BRINP3: variants seen among roughly 807,000 people sequenced by gnomAD.
The protein encoded by BRINP3 is BMP/retinoic acid inducible neural specific 3, also known as BMP/retinoic acid-inducible neural-specific protein 3.
A neutral mutation model predicts 71.0 loss-of-function variants in BRINP3; 19 were observed. The observed-to-expected ratio is 0.27, with a 90% CI of 0.19 to 0.39. The LOEUF is 0.39. BRINP3 is among the 10% of genes least tolerant of loss of function. BRINP3 has a pLI of 1.00. For synonymous variants in BRINP3, 380 were observed against 337.7 expected, an observed-to-expected ratio of 1.13 and a Z score of -1.37; for missense variants, 959 against 940.8, an observed-to-expected ratio of 1.02 and a Z score of -0.25.
Position 190,122,917 on chromosome 1 carries a change from G to A in BRINP3, c.1185-23783C>T, listed in dbSNP as rs143568799. On this transcript the variant is annotated intron_variant, in intron 7 of 7. Coordinates refer to ENST00000367462, the MANE Select transcript of BRINP3 (RefSeq NM_199051.3). ...TGAGATTATAAAGATGCATGAATCT[G>A]AGGTCATGTCCCTCAATAGCAGACA... Among the ~76,000 whole-genome samples, 717 of 152,236 alleles carry A rather than the reference G, an allele frequency of 4.7e-3. 6 individuals are homozygous for A. The highest frequency in any genetic ancestry group is 0.01 in the Middle Eastern group (3 of 294).
chr1:190,245,851 T>G (rs2102790742), intron 4 of BRINP3, among the ~76,000 whole-genome samples: 1 of 148,318 alleles, frequency 6.7e-6, no homozygotes, highest in Admixed American at 6.9e-5. Context: ...GAACATGCGG[T>G]GTTTGGTTTT....
chr1:190,474,248 A>C (rs1677350780), intron 1 of BRINP3, among the ~76,000 whole-genome samples: 3 of 152,196 alleles, frequency 2.0e-5, no homozygotes, highest in Non-Finnish European at 4.4e-5. Context: ...AAACATCTAA[A>C]CTGTTTTACC....
intron 7 of BRINP3, among the ~76,000 whole-genome samples, chr1:190,154,450 A>G (rs1656689534): frequency 1.3e-5 from 2 of 152,132 alleles, no homozygotes; most frequent in African/African-American, 2.4e-5. Context: ...AGTCAAAACT[A>G]TTTTCATAGA....
chr1:190,321,119 A>G (rs1666211092), intron 2 of BRINP3, among the ~76,000 whole-genome samples: 1 of 152,108 alleles, frequency 6.6e-6, no homozygotes, highest in African/African-American at 2.4e-5. Context: ...GCAGGGCCAG[A>G]CTAGTTAGTT....
At chr1:190,115,714 C>T (rs1254211792) in intron 7 of BRINP3, among the ~76,000 whole-genome samples, 2 of 152,058 alleles carry the variant, frequency 1.3e-5, no homozygotes, top group East Asian at 1.9e-4. Context: ...ACTGTATTTG[C>T]TTAGGACAGA....
chr1:190,307,685 G>T (rs1665214928), intron 2 of BRINP3, among the ~76,000 whole-genome samples: 1 of 150,396 alleles, frequency 6.6e-6, no homozygotes, highest in Non-Finnish European at 1.5e-5. Flanking sequence ...GTAATGTGAA[G>T]CACTGTTCAC....
chr1:190,407,519 G>A (rs1672361496), intron 2 of BRINP3, among the ~76,000 whole-genome samples: 1 of 151,954 alleles, frequency 6.6e-6, no homozygotes, highest in South Asian at 2.1e-4. Context: ...ACGCTTTAAG[G>A]CACTGTTGTT....
chr1:190,217,057 A>G (rs1656477808), intron 6 of BRINP3: 1 of 151,978 alleles, frequency 6.6e-6, no homozygotes, highest in African/African-American at 2.4e-5. Flanking sequence ...AGAGTATAAC[A>G]GGATTTGAAT....
chr1:190,245,358 G>A (rs1449815231), intron 4 of BRINP3, among the ~76,000 whole-genome samples: 2 of 149,998 alleles, frequency 1.3e-5, no homozygotes, highest in Non-Finnish European at 3.0e-5. Context: ...GACATTAAAA[G>A]AACAAATTAA....
intron 4 of BRINP3, among the ~76,000 whole-genome samples, chr1:190,235,296 G>C (rs1449389535): frequency 6.6e-6 from 1 of 151,978 alleles, no homozygotes; most frequent in Admixed American, 6.6e-5. Flanking sequence ...GATAGTATTA[G>C]GAGATGAGGA....
chr1:190,317,274 G>A (rs1665953197), intron 2 of BRINP3, among the ~76,000 whole-genome samples: 1 of 151,826 alleles, frequency 6.6e-6, no homozygotes, highest in Admixed American at 6.6e-5. Flanking sequence ...GAAGAAATGG[G>A]GCACGTAATT....
At chr1:190,107,969 A>G (rs529316753) in intron 7 of BRINP3, among the ~76,000 whole-genome samples, 15 of 152,170 alleles carry the variant, frequency 9.9e-5, no homozygotes, top group East Asian at 9.6e-4. Flanking sequence ...TCTAGACTCT[A>G]TATTATTGTT....
At chr1:190,459,944 C>A (rs1676271737) in intron 1 of BRINP3, among the ~76,000 whole-genome samples, 2 of 151,648 alleles carry the variant, frequency 1.3e-5, no homozygotes, top group South Asian at 4.2e-4. Flanking sequence ...CTCTTTTTCT[C>A]TTTCCCTGTC....
chr1:190,254,088 G>A (rs1208069105), intron 4 of BRINP3, among the ~76,000 whole-genome samples: 1 of 151,868 alleles, frequency 6.6e-6, no homozygotes, highest in Non-Finnish European at 1.5e-5. Context: ...GATGTGTGGT[G>A]CTATTTCTGA....
chr1:190,348,264 T>C (rs1668151680), intron 2 of BRINP3, among the ~76,000 whole-genome samples: 1 of 152,154 alleles, frequency 6.6e-6, no homozygotes, highest in Admixed American at 6.6e-5. Flanking sequence ...TTAGTCCTTT[T>C]TGGCCTGAAG....
intron 2 of BRINP3, among the ~76,000 whole-genome samples, chr1:190,341,605 A>G (rs1667659309): frequency 6.6e-6 from 1 of 151,816 alleles, no homozygotes; most frequent in Non-Finnish European, 1.5e-5. Flanking sequence ...ACAGAAGGAA[A>G]CCATTACTCT....
intron 2 of BRINP3, among the ~76,000 whole-genome samples, chr1:190,282,725 G>T (rs777766764): frequency 1.3e-5 from 2 of 151,966 alleles, no homozygotes; most frequent in Non-Finnish European, 2.9e-5. Flanking sequence ...CTGTCCATCT[G>T]CAAGTAGCCT....
intron 2 of BRINP3, among the ~76,000 whole-genome samples, chr1:190,308,795 A>G (rs552286904): frequency 1.3e-5 from 2 of 152,116 alleles, no homozygotes; most frequent in South Asian, 2.1e-4. Context: ...TAGCATTGCC[A>G]TATGTTAAAA....
At chr1:190,448,916 G>C (rs550180072) in intron 2 of BRINP3, among the ~76,000 whole-genome samples, 1 of 151,718 alleles carries the variant, frequency 6.6e-6, no homozygotes, top group African/African-American at 2.4e-5. Flanking sequence ...AGTTGTTAAG[G>C]TTGGCAATAA....
Sources: allele counts gnomAD v4.1 joint callset (sites outside exome capture counted in the v4.1 genomes callset), GRCh38; gene constraint gnomAD v4.1.1; transcripts MANE v1.5; gene names NCBI Gene and HGNC (gene_info 2026-07-23, HGNC 2026-07-21).